The following DKK4 variants were observed in gnomAD, a reference collection of about 807,000 sequenced individuals.
DKK4 encodes dickkopf-related protein 4.
In DKK4, 15 loss-of-function variants were observed where a neutral mutation model predicts 14.5. That is an observed-to-expected ratio of 1.03 (90% confidence interval 0.69 to 1.59). The LOEUF is 1.59. Ranked by LOEUF, DKK4 falls within the 40% of genes most tolerant of loss-of-function variation. The pLI is 0.00. For missense variants in DKK4, 272 were observed against 280.3 expected (o/e 0.97, Z 0.21); for synonymous variants, 89 against 105.2 (o/e 0.85, Z 0.94).
chr8:42,384,124 T>A, the DKK4 span, among the ~76,000 whole-genome samples: 1 of 152,092 alleles, frequency 6.6e-6, no homozygotes, highest in Admixed American at 6.5e-5. Flanking sequence ...CATCTTTGGA[T>A]CTGAGTCCTA....
chr8:42,386,943 C>T, the DKK4 span, among the ~76,000 whole-genome samples: 1 of 152,120 alleles, frequency 6.6e-6, no homozygotes, highest in East Asian at 1.9e-4. Flanking sequence ...ACTAAACTTC[C>T]AAGATTTTTC....
the DKK4 span, among the ~76,000 whole-genome samples, chr8:42,384,202 C>G: frequency 0.018 from 2,785 of 152,258 alleles, 89 homozygotes; most frequent in African/African-American, 0.061. Context: ...CATTTTGTCA[C>G]CTGGGCTGGA....
At chr8:42,381,928 C>A (rs1024481813), upstream of DKK4, among the ~76,000 whole-genome samples, 6 of 152,070 alleles carry the variant, frequency 3.9e-5, no homozygotes, top group Non-Finnish European at 8.8e-5. Context: ...GCCCAGGAGG[C>A]AGAGGTTGCA....
chr8:42,381,087 C>A (rs1433109593), upstream of DKK4, among the ~76,000 whole-genome samples: 1 of 151,878 alleles, frequency 6.6e-6, no homozygotes, highest in Non-Finnish European at 1.5e-5. Context: ...GTTGTCATTG[C>A]CCCGATGACA....
In DKK4 at chr8:42,375,802, C is replaced by T; in HGVS notation, c.140G>A (p.Cys47Tyr). 5 of 1,614,068 alleles carry T rather than the reference C, an allele frequency of 3.1e-6. No homozygotes were observed. The highest frequency in any genetic ancestry group is 4.2e-6 in the Non-Finnish European group (5 of 1,180,004). Residue 47 changes from cysteine to tyrosine, a missense_variant, in exon 2 of 4, where the codon TGC becomes TAC. Transcript: ENST00000220812. ...KGSQCLSDTDCNTRKFCLQPR... is the reference protein window; with the variant it reads ...KGSQCLSDTDYNTRKFCLQPR... The stretch of plus-strand genomic sequence containing the variant: ...CTGGAGGCAGAACTTTCTGGTATTG[C>T]AGTCCGTGTCAGACAGGCACTGTGA...
chr8:42,375,647 T>C, intron 2 of DKK4, 33 bp downstream of exon 2: 1 of 1,611,566 alleles, frequency 6.2e-7, no homozygotes, highest in African/African-American at 1.3e-5. Context: ...CTACCTTCGG[T>C]TTAAAAACCA....
the DKK4 span, among the ~76,000 whole-genome samples, chr8:42,383,834 T>G: frequency 1.6e-4 from 25 of 152,156 alleles, no homozygotes; most frequent in East Asian, 4.6e-3. Context: ...TCCCCGCTAC[T>G]CAGGAGGGTG....
chr8:42,384,619 T>C, the DKK4 span, among the ~76,000 whole-genome samples: 2 of 152,126 alleles, frequency 1.3e-5, no homozygotes, highest in Non-Finnish European at 2.9e-5. Flanking sequence ...GAAAGCCACC[T>C]GCAGCTGAAG....
chr8:42,391,267 T>A, the DKK4 span, among the ~76,000 whole-genome samples: 1 of 150,260 alleles, frequency 6.7e-6, no homozygotes, highest in Non-Finnish European at 1.5e-5. Context: ...GGCTCAGGCC[T>A]GTGATCCCAG....
At chr8:42,384,373 G>T in the DKK4 span, among the ~76,000 whole-genome samples, 5 of 152,204 alleles carry the variant, frequency 3.3e-5, no homozygotes, top group East Asian at 5.8e-4. Flanking sequence ...GAACTCTTGG[G>T]CTCAAGCGAT....
At chr8:42,386,785 G>A in the DKK4 span, among the ~76,000 whole-genome samples, 4 of 152,274 alleles carry the variant, frequency 2.6e-5, no homozygotes, top group Admixed American at 2.6e-4. Flanking sequence ...CACCATGCCA[G>A]GCCAGCCCTT....
At chr8:42,376,888 C>G in intron 1 of DKK4, 47 bp downstream of exon 1, 1 of 1,482,082 alleles carries the variant, frequency 6.7e-7, no homozygotes, top group Non-Finnish European at 9.4e-7. Context: ...CAAAACACCC[C>G]AGCTGTCAGC....
In DKK4 at chr8:42,374,123, A is replaced by C. The variant is rs200776586; in HGVS notation, c.652T>G (p.Cys218Gly). The change falls in exon 4 of 4, where the codon TGC (cysteine) becomes GGC (glycine). Residue 218 changes from cysteine to glycine, a missense_variant. Cys to Gly is a radical substitution (Grantham distance 159, BLOSUM62 -3). Transcript: ENST00000220812. ...SNRQHARLRV[C>G]QKIEKL ...ATTTATAGCTTTTCTATTTTTTGGC[A>C]TACTCTTAATCGAGCATGCTGCCGA... The C allele has an allele frequency of 1.8e-5, 29 of 1,611,670 alleles. No homozygotes were observed. Among genetic ancestry groups the C allele is most frequent in the African/African-American group, 8.0e-5 (6 of 74,740 alleles).
At chr8:42,379,178 G>A (rs1003419482), upstream of DKK4, among the ~76,000 whole-genome samples, 1 of 148,980 alleles carries the variant, frequency 6.7e-6, no homozygotes, top group African/African-American at 2.5e-5. Context: ...TTGAACCTAG[G>A]AGACCGAGGT....
At chr8:42,379,397 A>T (rs1415987781), upstream of DKK4, among the ~76,000 whole-genome samples, 2 of 118,288 alleles carry the variant, frequency 1.7e-5, no homozygotes, top group South Asian at 3.0e-4. Flanking sequence ...AGAGAGAGAG[A>T]GAGAGAGAGA....
In DKK4 at chr8:42,374,885, G is replaced by A. The variant is rs766147741; in HGVS notation, c.291C>T (p.Thr97=). Residue 97 remains threonine (T), a synonymous_variant, in exon 3 of 4, where the codon ACC becomes ACT. Coordinates refer to ENST00000220812, the MANE Select transcript of DKK4 (RefSeq NM_014420.3). ...NDVCTTMEDA[T]PILERQLDEQ... ...CATCAAGCTGCCTTTCTAATATTGG[G>A]GTTGCATCTTCCATCGTAGTACAAA... 16 of 1,613,916 alleles carry A rather than the reference G, an allele frequency of 9.9e-6. No individual in the cohort carries two copies. Among genetic ancestry groups the A allele is most frequent in the Non-Finnish European group, 1.4e-5 (16 of 1,180,024 alleles).
chr8:42,379,423 A>AGAGAGG (rs1824631183), upstream of DKK4, among the ~76,000 whole-genome samples: 2 of 123,012 alleles, frequency 1.6e-5, no homozygotes, highest in Admixed American at 8.1e-5. Context: ...AGAGAGAGAG[A>AGAGAGG]GAGAAAGATT....
chr8:42,375,789 CT>C lies in DKK4; in HGVS notation c.152del (p.Lys51SerfsTer36). ...CLSDTDCNTR[K>X]FCLQPRDEKP... ...TCTCATCGCGGGGCTGGAGGCAGAA[CT>C]TTCTGGTATTGCAGTCCGTGTCAGA... On this transcript the variant is annotated frameshift_variant, in exon 2 of 4. Coordinates refer to ENST00000220812, the MANE Select transcript of DKK4 (RefSeq NM_014420.3). LOFTEE classifies it high-confidence loss of function. 6 of 1,614,144 alleles carry C rather than the reference CT, an allele frequency of 3.7e-6. No homozygotes were observed. The highest frequency in any genetic ancestry group is 4.2e-6 in the Non-Finnish European group (5 of 1,180,030).
At chr8:42,388,853 G>A in the DKK4 span, among the ~76,000 whole-genome samples, 1 of 152,248 alleles carries the variant, frequency 6.6e-6, no homozygotes, top group Non-Finnish European at 1.5e-5. Context: ...ACAGGCGTGA[G>A]CCACTGCGCC....
Sources: allele counts gnomAD v4.1 joint callset (sites outside exome capture counted in the v4.1 genomes callset), GRCh38; gene constraint gnomAD v4.1.1; transcripts MANE v1.5; gene names NCBI Gene and HGNC (gene_info 2026-07-23, HGNC 2026-07-21).